The following PTGS1 variants were observed in gnomAD, a reference collection of about 807,000 sequenced individuals.
The protein encoded by PTGS1 is prostaglandin G/H synthase 1.
Under a neutral mutation model 63.0 loss-of-function variants are expected in PTGS1, and 40 were observed. That is an observed-to-expected ratio of 0.63 (90% CI 0.49 to 0.83). PTGS1 has a LOEUF of 0.83. PTGS1 is among the 40% of genes least tolerant of loss of function. PTGS1 has a pLI of 0.00. For synonymous variants in PTGS1, 298 were observed against 301.9 expected, an observed-to-expected ratio of 0.99 and a Z score of 0.13; for missense variants, 709 against 786.5, an observed-to-expected ratio of 0.90 and a Z score of 1.18.
chr9:122,392,191 G>T lies in PTGS1; in HGVS notation c.1447G>T (p.Glu483Ter). 1 of 1,581,824 alleles carries T rather than the reference G, an allele frequency of 6.3e-7. No individual in the cohort carries two copies. The highest frequency in any genetic ancestry group is 8.6e-7 in the Non-Finnish European group (1 of 1,158,656). Residue 483 changes from glutamate to a stop codon, truncating the protein, a stop_gained and splice_region_variant, in exon 11 of 11, where the codon GAG becomes TAG. Coordinates refer to ENST00000362012, the MANE Select transcript of PTGS1 (RefSeq NM_000962.4). LOFTEE classifies it high-confidence loss of function. ...CATTTCCCCTTATCTCCTTGTAGGA[G>T]AGAAGGAGATGGCAGCAGAGTTGGA... ...PYTSFQELVG[E>*]KEMAAELEEL...
chr9:122,377,614 G>A (rs934578090), intron 2 of PTGS1, among the ~76,000 whole-genome samples: 6 of 152,114 alleles, frequency 3.9e-5, no homozygotes, highest in Non-Finnish European at 7.4e-5. Flanking sequence ...TCCTGCCGCC[G>A]TTTGGTGGCA....
At position 122,381,741 on chromosome 9, in the gene PTGS1, G is replaced by A. The variant is rs770653186; in HGVS notation, c.756G>A (p.Lys252=). The A allele has an allele frequency of 7.5e-6, 12 of 1,607,936 alleles. No individual in the cohort carries two copies. In the East Asian group the frequency reaches 2.7e-4, roughly 36 times the overall value. Reference sequence around the variant, plus strand: ...GGCTCTTTAAGGATGGGAAACTCAAGTACCAGGTAGTGCTGGGCCAGGGGG... The same window carrying A: ...GGCTCTTTAAGGATGGGAAACTCAAATACCAGGTAGTGCTGGGCCAGGGGG... ...QLRLFKDGKL[K]YQVLDGEMYP... The change falls in exon 7 of 11, where the codon AAG becomes AAA. Residue 252 remains lysine, a synonymous_variant. Transcript: ENST00000362012.
At chr9:122,384,558 G>A (rs1429188186) in intron 8 of PTGS1, among the ~76,000 whole-genome samples, 2 of 152,178 alleles carry the variant, frequency 1.3e-5, no homozygotes, top group East Asian at 3.9e-4. Context: ...TGGAGATGAA[G>A]CTGTGACCAA....
intron 2 of PTGS1, chr9:122,371,954 A>C: frequency 2.7e-5 from 20 of 734,702 alleles, no homozygotes; most frequent in Middle Eastern, 3.8e-4. Context: ...TCTACCCACA[A>C]TGGACCCGGA....
rs755582076 is a variant in PTGS1 at position 122,378,800 on chromosome 9, C to A, written c.378C>A (p.Pro126=). The A allele has an allele frequency of 6.2e-7, 1 of 1,614,222 alleles. No homozygotes were observed. Among genetic ancestry groups the A allele is most frequent in the South Asian group, 1.1e-5 (1 of 91,084 alleles). Residue 126 remains proline, a synonymous_variant, in exon 5 of 11, where the codon CCC becomes CCA. Coordinates refer to ENST00000362012, the MANE Select transcript of PTGS1 (RefSeq NM_000962.4). ...TGCGCTCCAACCTTATCCCCAGTCC[C>A]CCCACCTACAACTCAGCACATGACT... is the stretch of plus-strand genomic sequence containing the variant. ...LTVRSNLIPS[P]PTYNSAHDYI... is the part of the protein sequence containing the mutation.
intron 7 of PTGS1, 30 bp downstream of exon 7, chr9:122,381,777 G>C: frequency 1.9e-6 from 3 of 1,598,124 alleles, no homozygotes; most frequent in Non-Finnish European, 2.6e-6. Context: ...TAGGGCAGAG[G>C]GAGGGGTCTC....
intron 8 of PTGS1, 23 bp from the exon 9 acceptor site, chr9:122,386,423 A>T (rs1450599903): frequency 6.2e-7 from 1 of 1,611,140 alleles, no homozygotes; most frequent in South Asian, 1.1e-5. Context: ...GGCTGACCCT[A>T]TTTCCAATCC....
intron 2 of PTGS1, among the ~76,000 whole-genome samples, chr9:122,376,148 C>T (rs567956361): frequency 1.3e-5 from 2 of 152,096 alleles, no homozygotes; most frequent in East Asian, 1.9e-4. Context: ...CTGGGGGAGG[C>T]GGGGGCTGGG....
chr9:122,375,658 G>C (rs1837093764), intron 2 of PTGS1, among the ~76,000 whole-genome samples: 1 of 152,174 alleles, frequency 6.6e-6, no homozygotes, highest in East Asian at 1.9e-4. Context: ...GGGCAAGGGA[G>C]AGTGGGAGGA....
At chr9:122,373,598 C>T (rs550393989) in intron 2 of PTGS1, among the ~76,000 whole-genome samples, 1 of 152,334 alleles carries the variant, frequency 6.6e-6, no homozygotes, top group South Asian at 2.1e-4. Flanking sequence ...TAGGGCATGA[C>T]CTGGCAACCA....
At chr9:122,381,623 C>T (rs199797662) in intron 6 of PTGS1, 41 bp from the exon 7 acceptor site, 192 of 1,612,748 alleles carry the variant, frequency 1.2e-4, no homozygotes, top group Middle Eastern at 8.2e-4. Flanking sequence ...GACAGTGGGC[C>T]GGCACCCTGG....
Position 122,392,254 on chromosome 9 carries a change from C to T in PTGS1, c.1510C>T (p.Pro504Ser), listed in dbSNP as rs770158186. The T allele has an allele frequency of 1.1e-5, 17 of 1,613,078 alleles. No individual in the cohort carries two copies. Among genetic ancestry groups the T allele is most frequent in the Admixed American group, 1.7e-5 (1 of 60,002 alleles). The change falls in exon 11 of 11, where the codon CCT (proline) becomes TCT (serine). Residue 504 changes from proline (P) to serine (S), a missense_variant. By Grantham distance (74) the Pro-to-Ser change is moderately conservative. Transcript: ENST00000362012. Reference protein sequence around the residue: ...YGDIDALEFYPGLLLEKCHPN... With the variant: ...YGDIDALEFYSGLLLEKCHPN... ...AGACATTGATGCGTTGGAGTTCTAC[C>T]CTGGACTGCTTCTTGAAAAGTGCCA...
At chr9:122,377,555 G>C (rs369760658) in intron 2 of PTGS1, among the ~76,000 whole-genome samples, 3 of 152,064 alleles carry the variant, frequency 2.0e-5, no homozygotes, top group East Asian at 1.9e-4. Flanking sequence ...TGGCTGAGGA[G>C]TTTTATCAGC....
rs747769275 is a variant in PTGS1 at position 122,381,570 on chromosome 9, G to T, written c.678+18G>T. The T allele has an allele frequency of 2.5e-6, 4 of 1,613,948 alleles. No individual in the cohort carries two copies. In the Admixed American group the frequency reaches 6.7e-5, roughly 27 times the overall value. ...GCCATGGGGTGAGTACCTAGGAGGG[G>T]CTCAGGACTGCTCTGGACCTAATTT... On this transcript the variant is annotated intron_variant, in intron 6 of 10. Coordinates refer to ENST00000362012, the MANE Select transcript of PTGS1 (RefSeq NM_000962.4).
At chr9:122,374,539 G>A (rs1837001243) in intron 2 of PTGS1, among the ~76,000 whole-genome samples, 1 of 152,164 alleles carries the variant, frequency 6.6e-6, no homozygotes, top group Non-Finnish European at 1.5e-5. Context: ...CTTGGTACCT[G>A]CATCTCCTTG....
intron 9 of PTGS1, among the ~76,000 whole-genome samples, chr9:122,389,308 G>A (rs1302060390): frequency 2.6e-5 from 4 of 151,882 alleles, no homozygotes; most frequent in Admixed American, 1.3e-4. Flanking sequence ...CTGCCACCAC[G>A]CCCAGCTAAT....
upstream of PTGS1, chr9:122,370,951 G>A: frequency 7.1e-7 from 1 of 1,413,162 alleles, no homozygotes; most frequent in South Asian, 1.3e-5. Context: ...GGGCAGCCGA[G>A]GTGACAGCTG....
At chr9:122,376,265 C>G (rs948391704) in intron 2 of PTGS1, among the ~76,000 whole-genome samples, 1 of 151,966 alleles carries the variant, frequency 6.6e-6, no homozygotes, top group Non-Finnish European at 1.5e-5. Flanking sequence ...CTCCTACACC[C>G]CTGCTGGGGC....
intron 8 of PTGS1, among the ~76,000 whole-genome samples, chr9:122,385,748 C>T (rs1837833429): frequency 6.6e-6 from 1 of 152,022 alleles, no homozygotes; most frequent in African/African-American, 2.4e-5. Context: ...ACAGCTCTCA[C>T]CAGTAAATCC....
Sources: allele counts gnomAD v4.1 joint callset (sites outside exome capture counted in the v4.1 genomes callset), GRCh38; gene constraint gnomAD v4.1.1; transcripts MANE v1.5; gene names NCBI Gene and HGNC (gene_info 2026-07-23, HGNC 2026-07-21).